Variants in GPR107 observed in about 807,000 individuals in gnomAD.
GPR107 encodes protein GPR107.
GPR107 carries 31 observed loss-of-function variants against 75.5 expected under a neutral mutation model. The observed-to-expected ratio is 0.41, with a 90% CI of 0.31 to 0.55. The LOEUF is 0.55. Ranked by LOEUF, GPR107 falls within the 20% of genes least tolerant of loss-of-function variation. The probability of loss-of-function intolerance (pLI) is 0.26; values close to 1 mark genes in which losing one functional copy is unlikely to be tolerated. For synonymous variants in GPR107, 267 were observed against 251.3 expected (o/e 1.06, Z -0.59); for missense variants, 572 against 665.7 (o/e 0.86, Z 1.55).
Position 130,057,195 on chromosome 9 carries a change from G to A in GPR107, c.141+3122G>A, listed in dbSNP as rs574022468. ...TCACTGAGTACCAGGAGTATGCGTT[G>A]ATCTCTTAAAACCTGGCTGCGCCTG... On this transcript the variant is annotated intron_variant, in intron 1 of 17. Coordinates refer to ENST00000347136, the MANE Select transcript of GPR107 (RefSeq NM_020960.5). Among the ~76,000 whole-genome samples, 4 of 152,122 alleles carry A rather than the reference G, an allele frequency of 2.6e-5. No homozygotes were observed. The South Asian group carries it at 6.2e-4, about 24-fold the overall frequency.
In GPR107 at chr9:130,090,930, C is replaced by A; in HGVS notation, c.676C>A (p.His226Asn). 1 of 1,563,512 alleles carries A rather than the reference C, an allele frequency of 6.4e-7. No homozygotes were observed. The highest frequency in any genetic ancestry group is 8.8e-7 in the Non-Finnish European group (1 of 1,134,666). The change falls in exon 8 of 18, where the codon CAT becomes AAT. Residue 226 changes from histidine (H) to asparagine (N), a missense_variant. Coordinates refer to ENST00000347136, the MANE Select transcript of GPR107 (RefSeq NM_020960.5). ...AGAAGGCCTTTACAGTCTTTATTTTCATAAATGCCTTGGAAAAGAATTGCC... is the reference window on the plus strand; with the variant it reads ...AGAAGGCCTTTACAGTCTTTATTTTAATAAATGCCTTGGAAAAGAATTGCC... Reference protein sequence around the residue: ...DQEGLYSLYFHKCLGKELPSD... With the variant: ...DQEGLYSLYFNKCLGKELPSD...
At chr9:130,120,026 A>C (rs538436918) in intron 14 of GPR107, among the ~76,000 whole-genome samples, 3 of 152,014 alleles carry the variant, frequency 2.0e-5, no homozygotes, top group African/African-American at 4.8e-5. Context: ...GGGTCTCCCT[A>C]TGTTGCCCAG....
At chr9:130,122,904 G>A (rs892738821) in intron 14 of GPR107, among the ~76,000 whole-genome samples, 2 of 152,192 alleles carry the variant, frequency 1.3e-5, no homozygotes, top group Non-Finnish European at 2.9e-5. Flanking sequence ...AGGAGGCTGA[G>A]GATCACTTGA....
intron 1 of GPR107, among the ~76,000 whole-genome samples, chr9:130,072,098 A>G (rs914409533): frequency 4.0e-5 from 6 of 148,906 alleles, no homozygotes; most frequent in Non-Finnish European, 8.9e-5. Context: ...CCTACCAAGT[A>G]GCTGGGATTA....
At position 130,138,951 on chromosome 9, in the gene GPR107, T is replaced by G. The variant is rs1227641499; in HGVS notation, c.*3830T>G. ...AGAACATTAGATAGTCTGCTGAGGT[T>G]GTTGGCCCAGCTCCATACACCCAGT... On this transcript the variant is annotated 3_prime_UTR_variant, in exon 18 of 18. Transcript: ENST00000347136. 1.3e-5 allele frequency: 2 copies of G among 152,218 alleles called. No homozygotes were observed. The highest frequency in any genetic ancestry group is 2.9e-5 in the Non-Finnish European group (2 of 68,044). 9.4% of individuals were successfully genotyped at this position (152,218 alleles called of 1,614,324 possible). A position where few individuals can be genotyped will look rare whatever the true frequency, so the allele number is the denominator to read the frequency against.
chr9:130,128,871 G>T, intron 17 of GPR107, 110 bp downstream of exon 17: 7 of 1,000,686 alleles, frequency 7.0e-6, no homozygotes, highest in South Asian at 1.5e-5. Context: ...TGCAGGGGTG[G>T]TTCCTCTATT....
chr9:130,070,286 G>A (rs1830173818), intron 1 of GPR107, among the ~76,000 whole-genome samples: 1 of 151,428 alleles, frequency 6.6e-6, no homozygotes, highest in Non-Finnish European at 1.5e-5. Context: ...ACAGGCACCT[G>A]CTATTACTCC....
intron 14 of GPR107, among the ~76,000 whole-genome samples, chr9:130,113,159 C>T (rs779447633): frequency 2.6e-5 from 4 of 151,636 alleles, no homozygotes; most frequent in Non-Finnish European, 5.9e-5. Flanking sequence ...ACAAAAACAA[C>T]TAATAGTATT....
intron 9 of GPR107, among the ~76,000 whole-genome samples, chr9:130,097,167 T>TC (rs1156473346): frequency 6.7e-6 from 1 of 148,580 alleles, no homozygotes; most frequent in African/African-American, 2.5e-5. Flanking sequence ...TTTTTTTTTT[T>TC]TTTTTGAGAC....
intron 10 of GPR107, among the ~76,000 whole-genome samples, chr9:130,099,801 TTTGG>T (rs200445299): frequency 3.5e-5 from 4 of 113,858 alleles, no homozygotes; most frequent in East Asian, 2.5e-4. Flanking sequence ...TTTCTTTGTT[TTTGG>T]TTTGTTTTGT....
At position 130,132,212 on chromosome 9, in the gene GPR107, C is replaced by T. The variant is rs543607065; in HGVS notation, c.1563-2813C>T. ...GTGTGCCCAGCCCTTCCTGTCCATT[C>T]TCCCGGGCTCTAGAATCACCTGTAG... On this transcript the variant is annotated intron_variant, in intron 17 of 17. Coordinates refer to ENST00000347136, the MANE Select transcript of GPR107 (RefSeq NM_020960.5). 3.3e-5 allele frequency among the ~76,000 whole-genome samples: 5 copies of T among 152,304 alleles called. No homozygotes were observed. The East Asian group carries it at 5.8e-4, about 18-fold the overall frequency.
Position 130,066,504 on chromosome 9 carries a change from A to T in GPR107, c.142-9132A>T, listed in dbSNP as rs192927991. On this transcript the variant is annotated intron_variant, in intron 1 of 17. Coordinates refer to ENST00000347136, the MANE Select transcript of GPR107 (RefSeq NM_020960.5). ...AAACCTTTCCTAGGCATGCCTCCAAAACTATGATCAGTATGAAAAATTAAT... is the reference window on the plus strand; with the variant it reads ...AAACCTTTCCTAGGCATGCCTCCAATACTATGATCAGTATGAAAAATTAAT... Among the ~76,000 whole-genome samples, 1,029 of 152,130 alleles carry T rather than the reference A, an allele frequency of 6.8e-3. 7 individuals carry two copies. The highest frequency in any genetic ancestry group is 0.027 in the Middle Eastern group (8 of 294).
chr9:130,068,359 T>C (rs1337123908), intron 1 of GPR107, among the ~76,000 whole-genome samples: 2 of 151,994 alleles, frequency 1.3e-5, no homozygotes, highest in Non-Finnish European at 2.9e-5. Context: ...TTTTTTCTTC[T>C]CTTTTTTTAA....
At chr9:130,085,783 C>T (rs1229617589) in intron 6 of GPR107, among the ~76,000 whole-genome samples, 3 of 27,662 alleles carry the variant, frequency 1.1e-4, no homozygotes, top group Admixed American at 8.0e-4. Flanking sequence ...CCGGGGGGAA[C>T]GCAGTCTTGC....
Position 130,075,755 on chromosome 9 carries a change from T to A in GPR107, c.255+6T>A. The A allele has an allele frequency of 7.7e-7, 1 of 1,295,862 alleles. No homozygotes were observed. The highest frequency in any genetic ancestry group is 1.1e-6 in the Non-Finnish European group (1 of 890,516). The allele number at this position is 1,295,862 out of a possible 1,614,324, so 80.3% of individuals were successfully genotyped here. A position where few individuals can be genotyped will look rare whatever the true frequency, so the allele number is the denominator to read the frequency against. ...CTGAAGACAAGGATGTGACTGTAAGTACCTTTTAATGAGATCCAGGGGTTT... is the reference window on the plus strand; with the variant it reads ...CTGAAGACAAGGATGTGACTGTAAGAACCTTTTAATGAGATCCAGGGGTTT... On this transcript the variant is annotated splice_donor_region_variant and intron_variant, in intron 2 of 17. Transcript: ENST00000347136.
At chr9:130,132,353 G>A (rs1465207767) in intron 17 of GPR107, among the ~76,000 whole-genome samples, 1 of 152,218 alleles carries the variant, frequency 6.6e-6, no homozygotes, top group Non-Finnish European at 1.5e-5. Flanking sequence ...AGGAGGCAGG[G>A]CTGAGAACTG....
intron 17 of GPR107, chr9:130,133,117 C>G (rs1388416297): frequency 6.6e-6 from 1 of 152,202 alleles, no homozygotes; most frequent in African/African-American, 2.4e-5. Flanking sequence ...TGCAGGGTTG[C>G]TGTGGAAGAC....
intron 5 of GPR107, among the ~76,000 whole-genome samples, chr9:130,080,469 C>CTGTT (rs1028559713): frequency 6.3e-5 from 5 of 79,190 alleles, no homozygotes; most frequent in Admixed American, 1.4e-4. Flanking sequence ...AAAGGTATTC[C>CTGTT]TGTTTATTTA....
intron 14 of GPR107, among the ~76,000 whole-genome samples, chr9:130,117,627 G>A (rs564788110): frequency 2.2e-4 from 34 of 152,306 alleles, no homozygotes; most frequent in Middle Eastern, 3.4e-3. Context: ...TGGAAATGCC[G>A]AGACTCAGCG....
Sources: gnomAD v4.1 joint callset for allele counts (sites outside exome capture counted in the v4.1 genomes callset) on GRCh38, gnomAD v4.1.1 for gene constraint, MANE v1.5 for transcripts, NCBI Gene and HGNC (gene_info 2026-07-23, HGNC 2026-07-21) for gene names.